DNM3: variants seen among roughly 807,000 people sequenced by gnomAD.
The protein encoded by DNM3 is dynamin-3.
A neutral mutation model predicts 101.6 loss-of-function variants in DNM3; 47 were observed. The ratio of observed to expected loss-of-function variants is 0.46; its 90% confidence interval spans 0.37 to 0.59. The LOEUF (loss-of-function observed/expected upper bound fraction) is 0.59. Among genes scored for constraint, DNM3 ranks in the 20% least tolerant of loss-of-function variants. The pLI, the probability that DNM3 is intolerant of heterozygous loss-of-function variation, is 0.00. For missense variants in DNM3, 849 were observed against 1,085.7 expected (o/e 0.78, Z 3.06); for synonymous variants, 385 against 387.9 (o/e 0.99, Z 0.09).
chr1:172,121,928 C>T (rs1017651111), intron 13 of DNM3, among the ~76,000 whole-genome samples: 1 of 152,110 alleles, frequency 6.6e-6, no homozygotes, highest in African/African-American at 2.4e-5. Context: ...AACAGTCAGG[C>T]TTCTTTCATC....
intron 14 of DNM3, among the ~76,000 whole-genome samples, chr1:172,239,163 G>T (rs959524956): frequency 6.6e-6 from 1 of 152,084 alleles, no homozygotes; most frequent in Non-Finnish European, 1.5e-5. Flanking sequence ...GTTTAAATAG[G>T]CTCTCACTAT....
At chr1:172,228,316 G>C (rs181870605) in intron 14 of DNM3, among the ~76,000 whole-genome samples, 5 of 152,028 alleles carry the variant, frequency 3.3e-5, no homozygotes, top group African/African-American at 9.6e-5. Context: ...TAGATGAGAA[G>C]CCAGTTGTCC....
chr1:171,928,881 A>G (rs554207187), intron 2 of DNM3, among the ~76,000 whole-genome samples: 1 of 152,218 alleles, frequency 6.6e-6, no homozygotes, highest in African/African-American at 2.4e-5. Flanking sequence ...TCTGGTCCCT[A>G]GTCACTTTGA....
chr1:172,391,794 A>G (rs1416896658), intron 20 of DNM3, among the ~76,000 whole-genome samples: 1 of 152,138 alleles, frequency 6.6e-6, no homozygotes, highest in Non-Finnish European at 1.5e-5. Flanking sequence ...ACATGACAAG[A>G]CAGCACAAAA....
At chr1:172,288,919 T>C (rs2063799197) in intron 15 of DNM3, among the ~76,000 whole-genome samples, 1 of 152,184 alleles carries the variant, frequency 6.6e-6, no homozygotes, top group Non-Finnish European at 1.5e-5. Context: ...TAGAAAGTTA[T>C]CTTAGGAAAA....
chr1:172,396,691 T>C (rs906796779), intron 20 of DNM3, among the ~76,000 whole-genome samples: 4 of 152,226 alleles, frequency 2.6e-5, no homozygotes, highest in Admixed American at 2.0e-4. Flanking sequence ...AATATACCAC[T>C]TGCTTCCATC....
intron 1 of DNM3, among the ~76,000 whole-genome samples, chr1:171,875,956 G>A (rs61805775): frequency 0.014 from 2,190 of 151,678 alleles, 33 homozygotes; most frequent in Non-Finnish European, 0.025. Flanking sequence ...GACTACAGGC[G>A]CGTGCCACCA....
intron 1 of DNM3, among the ~76,000 whole-genome samples, chr1:171,907,458 C>G (rs964988575): frequency 1.3e-5 from 2 of 151,872 alleles, no homozygotes; most frequent in African/African-American, 4.8e-5. Flanking sequence ...GCCATTGCAC[C>G]CCAGCCTGGG....
chr1:171,896,587 T>A (rs922620424), intron 1 of DNM3, among the ~76,000 whole-genome samples: 1 of 152,228 alleles, frequency 6.6e-6, no homozygotes, highest in Admixed American at 6.5e-5. Flanking sequence ...AATCATGTCA[T>A]CTGTAAGCAG....
chr1:171,976,947 T>A (rs1446416913), intron 2 of DNM3, among the ~76,000 whole-genome samples: 1 of 152,022 alleles, frequency 6.6e-6, no homozygotes, highest in Non-Finnish European at 1.5e-5. Context: ...GACTTTCTAT[T>A]GTATTTTTTT....
intron 15 of DNM3, among the ~76,000 whole-genome samples, chr1:172,287,340 T>C (rs2063739879): frequency 6.6e-6 from 1 of 152,194 alleles, no homozygotes; most frequent in Non-Finnish European, 1.5e-5. Flanking sequence ...TCACCATAAA[T>C]AAGACCCCCA....
intron 17 of DNM3, among the ~76,000 whole-genome samples, chr1:172,340,997 GTC>G (rs1380997514): frequency 1.3e-5 from 2 of 152,118 alleles, no homozygotes; most frequent in Non-Finnish European, 2.9e-5. Flanking sequence ...AAACCCCATA[GTC>G]TCTGCCCAAA....
intron 20 of DNM3, among the ~76,000 whole-genome samples, chr1:172,391,011 T>C (rs1486950597): frequency 3.9e-5 from 6 of 152,058 alleles, no homozygotes; most frequent in Non-Finnish European, 7.4e-5. Flanking sequence ...TTAAGCAGGG[T>C]GGAGTTGCCG....
At position 172,238,648 on chromosome 1, in the gene DNM3, C is replaced by A. The variant is rs150715729; in HGVS notation, c.1660-14925C>A. ...GCAGAGGTAAGCATGCAGTCCCATT[C>A]ATGGTACCTGAAATCCAGTTGGTAA... On this transcript the variant is annotated intron_variant, in intron 14 of 20. Transcript: ENST00000627582. 1.6e-3 allele frequency among the ~76,000 whole-genome samples: 248 copies of A among 152,128 alleles called. 1 individual carries two copies. Among genetic ancestry groups the A allele is most frequent in the Admixed American group, 0.011 (166 of 15,246 alleles).
chr1:172,375,843 TAAA>T (rs10691234), intron 17 of DNM3, among the ~76,000 whole-genome samples: 1 of 141,206 alleles, frequency 7.1e-6, no homozygotes, highest in African/African-American at 2.6e-5. Context: ...ACCCCATCTC[TAAA>T]AAAAAAAAAA....
chr1:172,263,162 G>T (rs1161770053), intron 15 of DNM3, among the ~76,000 whole-genome samples: 1 of 152,134 alleles, frequency 6.6e-6, no homozygotes, highest in African/African-American at 2.4e-5. Context: ...TCTTCTAGGG[G>T]TGAGGACTGT....
intron 16 of DNM3, among the ~76,000 whole-genome samples, chr1:172,319,324 A>G (rs1167382830): frequency 6.6e-6 from 1 of 152,090 alleles, no homozygotes; most frequent in Non-Finnish European, 1.5e-5. Context: ...GGACATAGGC[A>G]TGGGCAAGGA....
intron 12 of DNM3, among the ~76,000 whole-genome samples, chr1:172,082,557 A>G (rs80085456): frequency 6.6e-6 from 1 of 152,146 alleles, no homozygotes; most frequent in East Asian, 1.9e-4. Context: ...AATAATCTTG[A>G]TATCACCTCT....
chr1:171,863,229 G>A (rs566362710), intron 1 of DNM3, among the ~76,000 whole-genome samples: 1 of 152,218 alleles, frequency 6.6e-6, no homozygotes, highest in East Asian at 1.9e-4. Context: ...GGCAGGACAT[G>A]CTTGAGAAAG....
Sources: gnomAD v4.1 joint callset for allele counts (sites outside exome capture counted in the v4.1 genomes callset) on GRCh38, gnomAD v4.1.1 for gene constraint, MANE v1.5 for transcripts, NCBI Gene and HGNC (gene_info 2026-07-23, HGNC 2026-07-21) for gene names.